Variants in ME2 observed in about 807,000 individuals in gnomAD.
The protein encoded by ME2 is NAD-dependent malic enzyme, mitochondrial.
ME2 carries 60 observed loss-of-function variants against 73.7 expected under a neutral mutation model. That is an observed-to-expected ratio of 0.81 (90% CI 0.66 to 1.01). ME2 has a LOEUF of 1.01. Among genes scored for constraint, ME2 ranks in the 50% least tolerant of loss-of-function variants. ME2 has a pLI of 0.00. For missense variants in ME2, 594 were observed against 705.5 expected, an observed-to-expected ratio of 0.84 and a Z score of 1.79; for synonymous variants, 199 against 236.9, an observed-to-expected ratio of 0.84 and a Z score of 1.47.
chr18:50,892,820 G>C (rs971702633), intron 1 of ME2, among the ~76,000 whole-genome samples: 1 of 152,160 alleles, frequency 6.6e-6, no homozygotes, highest in Non-Finnish European at 1.5e-5. Context: ...GAAGTGAAAA[G>C]TATAGCAAAA....
chr18:50,920,624 C>T (rs757710305), intron 8 of ME2, 37 bp from the exon 9 acceptor site: 1 of 1,575,356 alleles, frequency 6.3e-7, no homozygotes, highest in Non-Finnish European at 8.6e-7. Context: ...TTAATGTGCC[C>T]ATTTTTTATT....
intron 15 of ME2, among the ~76,000 whole-genome samples, chr18:50,940,680 G>T (rs1917927639): frequency 6.6e-6 from 1 of 152,092 alleles, no homozygotes. Flanking sequence ...GCCCAGGCTG[G>T]TCTCTAACCC....
In ME2 at chr18:50,912,803, A is replaced by C; in HGVS notation, c.245A>C (p.Tyr82Ser). The C allele has an allele frequency of 6.3e-7, 1 of 1,577,944 alleles. No homozygotes were observed. Among genetic ancestry groups the C allele is most frequent in the South Asian group, 1.2e-5 (1 of 86,090 alleles). ...LKKMTSPLEKYIYIMGIQERN... is the reference protein window; with the variant it reads ...LKKMTSPLEKSIYIMGIQERN... ...TTATTTACTGTGCTTCATTTCAGATATATCTACATAATGGGAATACAAGAA... is the reference window on the plus strand; with the variant it reads ...TTATTTACTGTGCTTCATTTCAGATCTATCTACATAATGGGAATACAAGAA... The change falls in exon 4 of 16, where the codon TAT becomes TCT. Residue 82 changes from tyrosine (Y) to serine (S), a missense_variant and splice_region_variant. By Grantham distance (144) the Tyr-to-Ser change is moderately radical. Coordinates refer to ENST00000321341, the MANE Select transcript of ME2 (RefSeq NM_002396.5).
intron 2 of ME2, among the ~76,000 whole-genome samples, chr18:50,901,189 A>T (rs902584723): frequency 2.0e-5 from 3 of 152,234 alleles, no homozygotes; most frequent in African/African-American, 7.2e-5. Flanking sequence ...GGCACTGGCT[A>T]CATAGCGCCT....
chr18:50,886,001 C>G (rs1442292039), intron 1 of ME2, among the ~76,000 whole-genome samples: 5 of 152,012 alleles, frequency 3.3e-5, no homozygotes, highest in Non-Finnish European at 7.4e-5. Context: ...GGAGTTTGCT[C>G]AAAGCAGGCT....
rs1917192798 is a variant in ME2, at chr18:50,912,960, G to A, written c.392+10G>A. 8 of 1,567,534 alleles carry A rather than the reference G, an allele frequency of 5.1e-6. No homozygotes were observed. The highest frequency in any genetic ancestry group is 2.1e-5 in the Admixed American group (1 of 47,724). ...TCTTTAGAAGACCTAAGTAAGGCTT[G>A]TTTAAAAAAAAGCTTGTAAATGATT... is the stretch of plus-strand genomic sequence containing the variant. On this transcript the variant is annotated intron_variant, in intron 4 of 15. Transcript: ENST00000321341.
At chr18:50,881,224 A>G (rs903330027) in intron 1 of ME2, among the ~76,000 whole-genome samples, 6 of 151,988 alleles carry the variant, frequency 3.9e-5, no homozygotes, top group Non-Finnish European at 8.8e-5. Context: ...TTGAGTAGAG[A>G]CAGGGTTTCA....
chr18:50,941,252 A>G (rs1254795659), intron 15 of ME2, among the ~76,000 whole-genome samples: 1 of 110,534 alleles, frequency 9.0e-6, no homozygotes, highest in Non-Finnish European at 1.9e-5. Context: ...CAAGAGCAAA[A>G]CTCCATCTCA....
chr18:50,929,246 A>G (rs533630448), intron 12 of ME2, among the ~76,000 whole-genome samples: 1 of 151,632 alleles, frequency 6.6e-6, no homozygotes, highest in Admixed American at 6.6e-5. Flanking sequence ...TGGAATGCCA[A>G]GGTGGGCAGA....
chr18:50,907,823 T>C (rs1353265469), intron 2 of ME2, among the ~76,000 whole-genome samples: 3 of 152,210 alleles, frequency 2.0e-5, no homozygotes, highest in African/African-American at 7.2e-5. Context: ...AATTTAAGAA[T>C]ACTTTAAAAC....
At chr18:50,906,388 C>T (rs938352581) in intron 2 of ME2, among the ~76,000 whole-genome samples, 2 of 152,158 alleles carry the variant, frequency 1.3e-5, no homozygotes, top group African/African-American at 2.4e-5. Context: ...TCTTGGCTCA[C>T]TGCAACTTCC....
At chr18:50,944,586 A>G (rs1303598914) in intron 15 of ME2, among the ~76,000 whole-genome samples, 1 of 152,158 alleles carries the variant, frequency 6.6e-6, no homozygotes, top group African/African-American at 2.4e-5. Context: ...CCTTGCCCGT[A>G]ATCTTTTTCT....
chr18:50,892,969 C>G (rs943183383), intron 1 of ME2, among the ~76,000 whole-genome samples: 9 of 151,446 alleles, frequency 5.9e-5, no homozygotes, highest in African/African-American at 2.2e-4. Flanking sequence ...ACTAAAGATA[C>G]AAAAAATCAG....
chr18:50,895,714 G>A (rs1916722705), intron 1 of ME2, 95 bp from the exon 2 acceptor site: 2 of 757,844 alleles, frequency 2.6e-6, no homozygotes, highest in Non-Finnish European at 4.3e-6. Context: ...TGCAGCCTGT[G>A]GAAACATAAA....
intron 1 of ME2, among the ~76,000 whole-genome samples, chr18:50,881,282 C>T (rs2665560): frequency 0.44 from 66,381 of 152,010 alleles, 16,688 homozygotes; most frequent in South Asian, 0.66. Flanking sequence ...AGTGCTCCAC[C>T]TCCTTCGGCC....
Position 50,939,606 on chromosome 18 carries a change from A to C in ME2, c.1454A>C (p.His485Pro). Residue 485 changes from histidine (H) to proline (P), a missense_variant, in exon 14 of 16, where the codon CAT becomes CCT. Coordinates refer to ENST00000321341, the MANE Select transcript of ME2 (RefSeq NM_002396.5). Reference protein sequence around the residue: ...ALAVILCNTRHISDSVFLEAA... With the variant: ...ALAVILCNTRPISDSVFLEAA... ...GCTGTTATTCTCTGTAACACCCGGC[A>C]TATTAGTGACAGTGTTTTCCTAGAA... is the stretch of plus-strand genomic sequence containing the variant. The C allele has an allele frequency of 1.2e-6, 2 of 1,612,778 alleles. No homozygotes were observed. Among genetic ancestry groups the C allele is most frequent in the Non-Finnish European group, 1.7e-6 (2 of 1,178,894 alleles).
chr18:50,898,860 C>T (rs1916816452), intron 2 of ME2, among the ~76,000 whole-genome samples: 1 of 152,188 alleles, frequency 6.6e-6, no homozygotes, highest in South Asian at 2.1e-4. Context: ...TTCTCTAGGC[C>T]TTAGTTTTCT....
At chr18:50,884,437 T>C (rs150112969) in intron 1 of ME2, among the ~76,000 whole-genome samples, 1,957 of 152,284 alleles carry the variant, frequency 0.013, 13 homozygotes, top group Middle Eastern at 0.02. Flanking sequence ...AACCTCTGCC[T>C]CCTGAGTTCA....
At chr18:50,908,951 CTTTTCTTTTT>C (rs1331508581) in intron 3 of ME2, among the ~76,000 whole-genome samples, 4 of 104,604 alleles carry the variant, frequency 3.8e-5, no homozygotes, top group Non-Finnish European at 7.4e-5. Context: ...TTTTTCTTTT[CTTTTCTTTTT>C]TTTTTTTTTT....
Sources: allele counts gnomAD v4.1 joint callset (sites outside exome capture counted in the v4.1 genomes callset), GRCh38; gene constraint gnomAD v4.1.1; transcripts MANE v1.5; gene names NCBI Gene and HGNC (gene_info 2026-07-23, HGNC 2026-07-21).